CLEC16A: variants seen among roughly 807,000 people sequenced by gnomAD.
The protein encoded by CLEC16A is protein CLEC16A.
In CLEC16A, 51 loss-of-function variants were observed where a neutral mutation model predicts 109.5. The observed-to-expected ratio is 0.47, with a 90% CI of 0.37 to 0.59. CLEC16A has a LOEUF of 0.59. Among genes scored for constraint, CLEC16A ranks in the 20% least tolerant of loss-of-function variants. The probability of loss-of-function intolerance (pLI) is 0.00; values close to 1 mark genes in which losing one functional copy is unlikely to be tolerated. For missense variants in CLEC16A, 1,339 were observed against 1,394.0 expected, an observed-to-expected ratio of 0.96 and a Z score of 0.63; for synonymous variants, 673 against 564.2, an observed-to-expected ratio of 1.19 and a Z score of -2.73.
intron 13 of CLEC16A, among the ~76,000 whole-genome samples, chr16:11,036,544 CTTTTTT>C (rs71404440): frequency 1.5e-5 from 2 of 131,900 alleles, no homozygotes; most frequent in Admixed American, 1.6e-4. Context: ...TCTAATTTTC[CTTTTTT>C]TTTTTTTTTT....
At chr16:11,131,789 C>T (rs998389654) in intron 22 of CLEC16A, among the ~76,000 whole-genome samples, 1 of 152,196 alleles carries the variant, frequency 6.6e-6, no homozygotes, top group Non-Finnish European at 1.5e-5. Flanking sequence ...GCAGTCTGGC[C>T]CCTGCCCTCT....
At chr16:11,052,848 C>T (rs1284307813) in intron 18 of CLEC16A, among the ~76,000 whole-genome samples, 2 of 152,108 alleles carry the variant, frequency 1.3e-5, no homozygotes, top group Admixed American at 1.3e-4. Flanking sequence ...GAGGACTGAA[C>T]GCTGAGCACT....
intron 19 of CLEC16A, among the ~76,000 whole-genome samples, chr16:11,111,986 T>C (rs1271353819): frequency 3.9e-5 from 6 of 152,250 alleles, no homozygotes; most frequent in Non-Finnish European, 1.5e-5. Flanking sequence ...AGCAAAAGCT[T>C]CTAAACACTC....
chr16:11,016,344 C>T (rs1434963225), intron 11 of CLEC16A, among the ~76,000 whole-genome samples: 3 of 109,024 alleles, frequency 2.8e-5, no homozygotes, highest in African/African-American at 1.6e-4. Context: ...TCTTTTTTTT[C>T]TTTTTTTTTC....
At chr16:11,018,618 G>A (rs1199392688) in intron 11 of CLEC16A, among the ~76,000 whole-genome samples, 1 of 151,970 alleles carries the variant, frequency 6.6e-6, no homozygotes, top group African/African-American at 2.4e-5. Flanking sequence ...GTGTGGTGGC[G>A]GGTGCCTGTA....
intron 22 of CLEC16A, among the ~76,000 whole-genome samples, chr16:11,129,157 C>T (rs188812268): frequency 5.0e-4 from 76 of 152,260 alleles, no homozygotes; most frequent in African/African-American, 1.7e-3. Context: ...GCCTCAGCAC[C>T]CACGTGTTTA....
rs752474671 is a variant in CLEC16A at position 11,024,809 on chromosome 16, C to G, written c.1437-12C>G. Reference sequence around the variant, plus strand: ...CACCGTGAGGCTCATACATGCCCCTCCTCTTTTCCAGACCCTTCCTGGATA... The same window carrying G: ...CACCGTGAGGCTCATACATGCCCCTGCTCTTTTCCAGACCCTTCCTGGATA... On this transcript the variant is annotated splice_polypyrimidine_tract_variant and intron_variant, in intron 12 of 23. Coordinates refer to ENST00000409790, the MANE Select transcript of CLEC16A (RefSeq NM_015226.3). 1.0e-5 allele frequency: 16 copies of G among 1,581,496 alleles called. No individual in the cohort carries two copies. Among genetic ancestry groups the G allele is most frequent in the African/African-American group, 1.3e-5 (1 of 74,290 alleles).
chr16:11,156,778 A>G (rs1481107143), intron 22 of CLEC16A: 3 of 771,244 alleles, frequency 3.9e-6, no homozygotes, highest in Non-Finnish European at 5.8e-6. Context: ...CTAGAAATCC[A>G]AAGCAAGGTT....
At chr16:11,119,534 G>T (rs929144353) in intron 19 of CLEC16A, among the ~76,000 whole-genome samples, 40 of 152,152 alleles carry the variant, frequency 2.6e-4, no homozygotes, top group Admixed American at 2.5e-3. Context: ...GAGACTACAG[G>T]TGTGGGCCAC....
chr16:11,178,304 G>T lies in CLEC16A; in HGVS notation c.2807-31G>T. On this transcript the variant is annotated intron_variant, in intron 23 of 23. Transcript: ENST00000409790. This position sits in a 1 kb window ranked among gnomAD's most constrained non-coding sequence, Gnocchi z 6.5. ...TGCGACGGGGTGTCTCAAGGGCTCAGTGTGTTTCCGGTTTTTCTCCCCCAA... is the reference window on the plus strand; with the variant it reads ...TGCGACGGGGTGTCTCAAGGGCTCATTGTGTTTCCGGTTTTTCTCCCCCAA... The T allele has an allele frequency of 6.4e-7, 1 of 1,570,468 alleles. No homozygotes were observed. Among genetic ancestry groups the T allele is most frequent in the Non-Finnish European group, 8.7e-7 (1 of 1,149,088 alleles).
chr16:10,994,840 C>T (rs141060224), intron 10 of CLEC16A, among the ~76,000 whole-genome samples: 67 of 152,336 alleles, frequency 4.4e-4, no homozygotes, highest in African/African-American at 1.3e-3. Context: ...AGTGTGACGT[C>T]GGCATGGCCT....
rs570364418 is a variant in CLEC16A at position 11,132,926 on chromosome 16, C to A, written c.2641+6780C>A. ...CTTGTTTTCCCAACAGACTGTAAAC[C>A]CCTAAGGCCAGGGTATTTCTGTCTT... On this transcript the variant is annotated intron_variant, in intron 22 of 23. Coordinates refer to ENST00000409790, the MANE Select transcript of CLEC16A (RefSeq NM_015226.3). Among the ~76,000 whole-genome samples, 7 of 152,290 alleles carry A rather than the reference C, an allele frequency of 4.6e-5. No homozygotes were observed. In the South Asian group the frequency reaches 1.4e-3, roughly 32 times the overall value.
chr16:10,957,219 G>T (rs765560791), intron 1 of CLEC16A, among the ~76,000 whole-genome samples: 1 of 152,192 alleles, frequency 6.6e-6, no homozygotes, highest in Non-Finnish European at 1.5e-5. Flanking sequence ...ACTTGAGAAG[G>T]ATTGTGAGCA....
chr16:10,979,243 C>A, intron 8 of CLEC16A, 86 bp from the exon 9 acceptor site: 1 of 1,282,960 alleles, frequency 7.8e-7, no homozygotes, highest in Non-Finnish European at 1.1e-6. Flanking sequence ...CCTTTGTTCA[C>A]ACAGAAGGCT....
intron 19 of CLEC16A, among the ~76,000 whole-genome samples, chr16:11,081,536 C>T (rs2049718769): frequency 6.6e-6 from 1 of 152,094 alleles, no homozygotes; most frequent in Non-Finnish European, 1.5e-5. Context: ...CTAAAAGGCT[C>T]AAAAATCCTC....
intron 10 of CLEC16A, among the ~76,000 whole-genome samples, chr16:10,995,411 C>T (rs905522141): frequency 2.6e-5 from 4 of 152,204 alleles, no homozygotes; most frequent in African/African-American, 7.2e-5. Context: ...GGAAGGTTAG[C>T]CAGGGGCCCA....
intron 19 of CLEC16A, among the ~76,000 whole-genome samples, chr16:11,108,380 G>A (rs754594539): frequency 9.2e-5 from 14 of 152,262 alleles, no homozygotes; most frequent in Admixed American, 2.6e-4. Flanking sequence ...GGCAGTCCAG[G>A]AGCATGGAGG....
chr16:11,010,793 G>A (rs1186483586), intron 11 of CLEC16A, among the ~76,000 whole-genome samples: 3 of 152,168 alleles, frequency 2.0e-5, no homozygotes, highest in African/African-American at 7.2e-5. Flanking sequence ...CACGCCTCCA[G>A]CCTCCTTTAC....
intron 9 of CLEC16A, among the ~76,000 whole-genome samples, chr16:10,981,066 C>A (rs1352133993): frequency 6.6e-6 from 1 of 152,190 alleles, no homozygotes; most frequent in Non-Finnish European, 1.5e-5. Context: ...CTTACAGTTA[C>A]TCACCCTCCC....
Sources: allele counts gnomAD v4.1 joint callset (sites outside exome capture counted in the v4.1 genomes callset), GRCh38; gene constraint gnomAD v4.1.1; non-coding constraint Gnocchi (gnomAD v3.1); transcripts MANE v1.5; gene names NCBI Gene and HGNC (gene_info 2026-07-23, HGNC 2026-07-21).